Variants in GMDS observed in about 807,000 individuals in gnomAD.
The protein encoded by GMDS is GDP-mannose 4,6-dehydratase, also known as GDP-mannose 4,6 dehydratase.
A neutral mutation model predicts 49.9 loss-of-function variants in GMDS; 20 were observed. The ratio of observed to expected loss-of-function variants is 0.40; its 90% CI spans 0.28 to 0.58. The LOEUF (loss-of-function observed/expected upper bound fraction) is 0.58. Ranked by LOEUF, GMDS falls within the 20% of genes least tolerant of loss-of-function variation. The pLI, the probability that GMDS is intolerant of heterozygous loss-of-function variation, is 0.42. For missense variants in GMDS, 362 were observed against 481.4 expected (o/e 0.75, Z 2.32); for synonymous variants, 177 against 178.6 (o/e 0.99, Z 0.07).
At chr6:1,875,875 A>C (rs1422277861) in intron 7 of GMDS, among the ~76,000 whole-genome samples, 1 of 152,010 alleles carries the variant, frequency 6.6e-6, no homozygotes, top group Admixed American at 6.6e-5. Flanking sequence ...AAAATACAAA[A>C]TTAGCCAGGC....
At chr6:1,956,219 A>G (rs1763630177) in intron 6 of GMDS, among the ~76,000 whole-genome samples, 1 of 152,222 alleles carries the variant, frequency 6.6e-6, no homozygotes, top group Non-Finnish European at 1.5e-5. Context: ...GTTTTCTTAG[A>G]GGCCCAGACA....
At chr6:2,112,302 T>C (rs930994417) in intron 4 of GMDS, among the ~76,000 whole-genome samples, 5 of 152,200 alleles carry the variant, frequency 3.3e-5, no homozygotes, top group Admixed American at 2.6e-4. Context: ...CATTAAGTCA[T>C]TAACTAGTAA....
At chr6:1,940,311 G>T (rs188751926) in intron 6 of GMDS, among the ~76,000 whole-genome samples, 27 of 152,304 alleles carry the variant, frequency 1.8e-4, no homozygotes, top group Admixed American at 1.6e-3. Flanking sequence ...TTGATTTAAA[G>T]ATTTTTTTGG....
intron 7 of GMDS, among the ~76,000 whole-genome samples, chr6:1,799,327 A>T (rs1264548140): frequency 6.6e-6 from 1 of 152,156 alleles, no homozygotes; most frequent in Non-Finnish European, 1.5e-5. Context: ...TTTAATCTCT[A>T]ACGATGATAT....
At chr6:2,048,484 CTA>C (rs1562005044) in intron 4 of GMDS, among the ~76,000 whole-genome samples, 1 of 152,172 alleles carries the variant, frequency 6.6e-6, no homozygotes, top group African/African-American at 2.4e-5. Flanking sequence ...TTCCCCCATG[CTA>C]TGTTTTCCTT....
chr6:1,977,128 A>G (rs1195362956), intron 4 of GMDS, among the ~76,000 whole-genome samples: 8 of 152,240 alleles, frequency 5.3e-5, no homozygotes, highest in Admixed American at 2.6e-4. Flanking sequence ...GTTCAGCAAA[A>G]GAATCACAAA....
intron 7 of GMDS, among the ~76,000 whole-genome samples, chr6:1,878,129 T>C (rs548907790): frequency 5.5e-4 from 83 of 152,008 alleles, no homozygotes; most frequent in East Asian, 4.7e-3. Context: ...CTGGCTAACA[T>C]GGTGAAACCC....
At chr6:2,131,217 T>TA (rs1775719448) in intron 1 of GMDS, among the ~76,000 whole-genome samples, 1 of 152,204 alleles carries the variant, frequency 6.6e-6, no homozygotes, top group South Asian at 2.1e-4. Context: ...CCAACATGTG[T>TA]AATAATACTA....
rs150179618 is a variant in GMDS, at chr6:2,125,660, T to C, written c.103-929A>G. On this transcript the variant is annotated intron_variant, in intron 1 of 10. Transcript: ENST00000380815. ...ATGGGAACTAGGTGGGTTGGGGATA[T>C]AGAAGGGCTAGTGTGGAGAGGAAAA... 6.3e-4 allele frequency among the ~76,000 whole-genome samples: 95 copies of C among 151,980 alleles called. No homozygotes were observed. In the East Asian group the frequency reaches 0.017, roughly 27 times the overall value.
intron 4 of GMDS, among the ~76,000 whole-genome samples, chr6:1,984,801 C>T (rs1288180291): frequency 6.6e-6 from 1 of 152,152 alleles, no homozygotes; most frequent in African/African-American, 2.4e-5. Flanking sequence ...GGCCACAATT[C>T]CCACTGCTGC....
chr6:1,625,525 T>G (rs1762827215), intron 9 of GMDS: 2 of 152,208 alleles, frequency 1.3e-5, no homozygotes, highest in African/African-American at 4.8e-5. Context: ...CTCCATCGAC[T>G]TAAGAGGCTT....
At chr6:1,773,968 TGAG>T (rs1000118355) in intron 7 of GMDS, among the ~76,000 whole-genome samples, 2 of 152,210 alleles carry the variant, frequency 1.3e-5, no homozygotes, top group African/African-American at 4.8e-5. Flanking sequence ...AACTGAATTT[TGAG>T]TAGTAGCTTT....
chr6:1,974,575 G>A (rs932918124), intron 4 of GMDS, among the ~76,000 whole-genome samples: 3 of 152,112 alleles, frequency 2.0e-5, no homozygotes, highest in African/African-American at 7.2e-5. Flanking sequence ...GAGACAGGCA[G>A]GTAGGAACAC....
At chr6:2,109,562 A>G (rs1382023688) in intron 4 of GMDS, among the ~76,000 whole-genome samples, 1 of 152,234 alleles carries the variant, frequency 6.6e-6, no homozygotes, top group Non-Finnish European at 1.5e-5. Context: ...ATGTGACGTG[A>G]CCAGGATTTT....
chr6:2,098,831 C>A (rs1773760615), intron 4 of GMDS, among the ~76,000 whole-genome samples: 1 of 152,094 alleles, frequency 6.6e-6, no homozygotes, highest in South Asian at 2.1e-4. Context: ...GAATCTTTTA[C>A]TTGGGAATCC....
chr6:1,819,002 A>G (rs1368611134), intron 7 of GMDS, among the ~76,000 whole-genome samples: 1 of 152,076 alleles, frequency 6.6e-6, no homozygotes, highest in East Asian at 1.9e-4. Context: ...AGAAGCTGGT[A>G]TTTACACATA....
intron 7 of GMDS, among the ~76,000 whole-genome samples, chr6:1,750,473 G>A (rs775188509): frequency 3.9e-5 from 6 of 152,126 alleles, no homozygotes; most frequent in Non-Finnish European, 5.9e-5. Flanking sequence ...CATGGGAAGC[G>A]CAAGGGGTTG....
chr6:1,645,186 G>C (rs1208363734), intron 9 of GMDS, among the ~76,000 whole-genome samples: 1 of 151,618 alleles, frequency 6.6e-6, no homozygotes, highest in Non-Finnish European at 1.5e-5. Flanking sequence ...CACCCACCTC[G>C]GCCTCCCAAA....
At chr6:1,695,911 T>A (rs1173706561) in intron 9 of GMDS, among the ~76,000 whole-genome samples, 2 of 148,620 alleles carry the variant, frequency 1.3e-5, no homozygotes, top group African/African-American at 5.1e-5. Flanking sequence ...GTCTTGGTTT[T>A]TTTTTTTTTT....
Sources: allele counts gnomAD v4.1 joint callset (sites outside exome capture counted in the v4.1 genomes callset), GRCh38; gene constraint gnomAD v4.1.1; transcripts MANE v1.5; gene names NCBI Gene and HGNC (gene_info 2026-07-23, HGNC 2026-07-21).